The following CRYBG1 variants were observed in gnomAD, a reference collection of about 807,000 sequenced individuals.
The protein encoded by CRYBG1 is beta/gamma crystallin domain-containing protein 1.
In CRYBG1, 139 loss-of-function variants were observed where a neutral mutation model predicts 189.2. The observed-to-expected ratio is 0.73, with a 90% CI of 0.64 to 0.85. The LOEUF is 0.85. Among genes scored for constraint, CRYBG1 ranks in the 40% least tolerant of loss-of-function variants. The pLI, the probability that CRYBG1 is intolerant of heterozygous loss-of-function variation, is 0.00. For synonymous variants in CRYBG1, 1,023 were observed against 1,017.1 expected (o/e 1.01, Z -0.11); for missense variants, 2,611 against 2,675.8 (o/e 0.98, Z 0.53).
chr6:106,554,412 G>A (rs1413579331), intron 16 of CRYBG1, among the ~76,000 whole-genome samples: 1 of 152,126 alleles, frequency 6.6e-6, no homozygotes, highest in Non-Finnish European at 1.5e-5. Flanking sequence ...TCAGGAGATC[G>A]AGACCAGCCT....
At chr6:106,368,276 TACAC>T (rs139872790) in intron 1 of CRYBG1, among the ~76,000 whole-genome samples, 1 of 149,860 alleles carries the variant, frequency 6.7e-6, no homozygotes, top group Non-Finnish European at 1.5e-5. Context: ...TACACACACA[TACAC>T]ACACACACAC....
chr6:106,540,690 C>CTT lies in CRYBG1; in HGVS notation c.4846-886_4846-885dup, dbSNP rs755066552. 3.8e-3 allele frequency among the ~76,000 whole-genome samples: 534 copies of CTT among 141,990 alleles called. 5 individuals are homozygous for CTT. Among genetic ancestry groups the CTT allele is most frequent in the African/African-American group, 0.013 (521 of 38,868 alleles). The allele number at this position is 141,990 out of a possible 152,430, so 93.2% of individuals were successfully genotyped here. On this transcript the variant is annotated intron_variant, in intron 9 of 21. Coordinates refer to ENST00000633556, the MANE Select transcript of CRYBG1 (RefSeq NM_001371242.2). ...ATAATATCAGCCACATTCCTTTTTC[C>CTT]TTTTTTTTTTTGCTTGTTTTTTCAT...
intron 18 of CRYBG1, among the ~76,000 whole-genome samples, chr6:106,560,245 C>T (rs1774674791): frequency 6.6e-6 from 1 of 152,146 alleles, no homozygotes; most frequent in South Asian, 2.1e-4. Context: ...GCATTCTTCC[C>T]TGATGTAATA....
At position 106,520,092 on chromosome 6, in the gene CRYBG1, C is replaced by A; in HGVS notation, c.2884C>A (p.Leu962Ile). Residue 962 changes from leucine (L) to isoleucine (I), a missense_variant, in exon 4 of 22, where the codon CTC becomes ATC. Leu to Ile is a conservative substitution (Grantham distance 5). Coordinates refer to ENST00000633556, the MANE Select transcript of CRYBG1 (RefSeq NM_001371242.2). ...RVLVQVRSFV[L>I]PVESTQDVSS... is the part of the protein sequence containing the mutation. ...CCTCGTCCAGGTCAGGTCCTTCGTG[C>A]TCCCCGTGGAGAGCACCCAGGATGT... The A allele has an allele frequency of 4.3e-6, 7 of 1,614,154 alleles. No homozygotes were observed. Among genetic ancestry groups the A allele is most frequent in the Non-Finnish European group, 5.9e-6 (7 of 1,180,026 alleles).
Position 106,381,136 on chromosome 6 carries a change from T to C in CRYBG1, c.173+20055T>C, listed in dbSNP as rs115880574. Among the ~76,000 whole-genome samples, 1,055 of 152,306 alleles carry C rather than the reference T, an allele frequency of 6.9e-3. 13 individuals are homozygous for C. The highest frequency in any genetic ancestry group is 0.023 in the African/African-American group (948 of 41,566). ...ACAAATTCAGCATAGGATCATAACATAGAAACTGAGGTATATCCAGACACT... is the reference window on the plus strand; with the variant it reads ...ACAAATTCAGCATAGGATCATAACACAGAAACTGAGGTATATCCAGACACT... On this transcript the variant is annotated intron_variant, in intron 1 of 21. Coordinates refer to ENST00000633556, the MANE Select transcript of CRYBG1 (RefSeq NM_001371242.2).
intron 1 of CRYBG1, among the ~76,000 whole-genome samples, chr6:106,445,173 TC>T (rs1442392342): frequency 6.6e-6 from 1 of 152,186 alleles, no homozygotes; most frequent in Admixed American, 6.5e-5. Context: ...TGGTGTAGCA[TC>T]CTTTACATAC....
chr6:106,558,344 A>G, intron 17 of CRYBG1, 142 bp from the exon 18 acceptor site: 1 of 626,462 alleles, frequency 1.6e-6, no homozygotes, highest in Non-Finnish European at 2.7e-6. Flanking sequence ...ACAAACATCC[A>G]GGCTCCCTTG....
At chr6:106,408,887 C>A (rs972738880) in intron 1 of CRYBG1, among the ~76,000 whole-genome samples, 4 of 152,140 alleles carry the variant, frequency 2.6e-5, no homozygotes, top group African/African-American at 9.7e-5. Flanking sequence ...ATAGTAAGAG[C>A]TATTTATGAC....
chr6:106,482,276 T>C (rs562272296), intron 2 of CRYBG1, among the ~76,000 whole-genome samples: 3 of 152,210 alleles, frequency 2.0e-5, no homozygotes, highest in Non-Finnish European at 4.4e-5. Context: ...CTCACCTAAT[T>C]AGGTCAGGCC....
intron 2 of CRYBG1, among the ~76,000 whole-genome samples, chr6:106,476,176 T>C (rs1772331074): frequency 6.6e-6 from 1 of 152,200 alleles, no homozygotes. Context: ...ATCTTAACCT[T>C]GTCCGTACAG....
intron 20 of CRYBG1, among the ~76,000 whole-genome samples, chr6:106,563,448 C>CT (rs1314698807): frequency 6.6e-6 from 1 of 152,016 alleles, no homozygotes; most frequent in African/African-American, 2.4e-5. Flanking sequence ...ATCATGGTCA[C>CT]TTATGACAGG....
intron 2 of CRYBG1, among the ~76,000 whole-genome samples, chr6:106,453,014 A>G (rs1337820029): frequency 6.6e-6 from 1 of 152,228 alleles, no homozygotes; most frequent in East Asian, 1.9e-4. Context: ...CTTTAGTAAT[A>G]CCATATATTA....
At chr6:106,517,908 T>C (rs1273986515) in intron 3 of CRYBG1, among the ~76,000 whole-genome samples, 2 of 152,052 alleles carry the variant, frequency 1.3e-5, no homozygotes, top group East Asian at 3.9e-4. Context: ...CCACTGGGGG[T>C]AATTATACCC....
At chr6:106,392,535 G>A (rs12524055) in intron 1 of CRYBG1, among the ~76,000 whole-genome samples, 24,918 of 152,014 alleles carry the variant, frequency 0.16, 2,203 homozygotes, top group Admixed American at 0.23. Context: ...GGGGAGTGGG[G>A]GACACAGGAA....
At position 106,399,966 on chromosome 6, in the gene CRYBG1, G is replaced by A. The variant is rs1454081380; in HGVS notation, c.173+38885G>A. Among the ~76,000 whole-genome samples the A allele has an allele frequency of 2.7e-5, 4 of 150,428 alleles. No individual in the cohort carries two copies. In the East Asian group the frequency reaches 8.1e-4, roughly 30 times the overall value. Reference sequence around the variant, plus strand: ...AGCCTGACCAACATGGTGAAACCCCGTCTATACTAAAAATATAAAAATTAG... The same window carrying A: ...AGCCTGACCAACATGGTGAAACCCCATCTATACTAAAAATATAAAAATTAG... On this transcript the variant is annotated intron_variant, in intron 1 of 21. Coordinates refer to ENST00000633556, the MANE Select transcript of CRYBG1 (RefSeq NM_001371242.2).
At position 106,558,467 on chromosome 6, in the gene CRYBG1, T is replaced by C. The variant is rs373484958; in HGVS notation, c.5716-19T>C. ...TTAACAAAGATGAATAACAGAACATTGTTTTTGTTCCTCAACAGGAATTTT... is the reference window on the plus strand; with the variant it reads ...TTAACAAAGATGAATAACAGAACATCGTTTTTGTTCCTCAACAGGAATTTT... On this transcript the variant is annotated intron_variant, in intron 17 of 21. Coordinates refer to ENST00000633556, the MANE Select transcript of CRYBG1 (RefSeq NM_001371242.2). 5 of 1,549,638 alleles carry C rather than the reference T, an allele frequency of 3.2e-6. No individual in the cohort carries two copies. Among genetic ancestry groups the C allele is most frequent in the African/African-American group, 2.7e-5 (2 of 73,168 alleles).
In CRYBG1 at chr6:106,519,224, TCAC is replaced by T; in HGVS notation, c.2017_2019del (p.His673del). ...AGCACAATCCATTTAGCCAGCCAGTTCACAAAGGCAACACTGCCACCAAAATCT... is the reference window on the plus strand; with the variant it reads ...AGCACAATCCATTTAGCCAGCCAGTTAAAGGCAACACTGCCACCAAAATCT... On this transcript the variant is annotated inframe_deletion, in exon 4 of 22. Transcript: ENST00000633556. The T allele has an allele frequency of 6.2e-7, 1 of 1,614,084 alleles. No homozygotes were observed. Among genetic ancestry groups the T allele is most frequent in the Non-Finnish European group, 8.5e-7 (1 of 1,180,030 alleles).
intron 21 of CRYBG1, among the ~76,000 whole-genome samples, chr6:106,564,944 CTA>C (rs1774832420): frequency 6.6e-6 from 1 of 152,142 alleles, no homozygotes. Context: ...ATTACATACT[CTA>C]TTTTAAATCA....
intron 1 of CRYBG1, among the ~76,000 whole-genome samples, chr6:106,441,265 C>A (rs1004875274): frequency 1.3e-5 from 2 of 152,086 alleles, no homozygotes; most frequent in African/African-American, 4.8e-5. Context: ...ATTGGAACAC[C>A]CTTAGGGTGG....
Sources: allele counts gnomAD v4.1 joint callset (sites outside exome capture counted in the v4.1 genomes callset), GRCh38; gene constraint gnomAD v4.1.1; transcripts MANE v1.5; gene names NCBI Gene and HGNC (gene_info 2026-07-23, HGNC 2026-07-21).